ZMAT1: variants seen among roughly 807,000 people sequenced by gnomAD.
ZMAT1 encodes the protein zinc finger matrin-type protein 1.
Under a neutral mutation model 18.5 loss-of-function variants are expected in ZMAT1, and 11 were observed. The ratio of observed to expected loss-of-function variants is 0.59; its 90% CI spans 0.37 to 0.98. The LOEUF (loss-of-function observed/expected upper bound fraction) is 0.98, where lower values mean the gene tolerates loss of function less well. Ranked by LOEUF, ZMAT1 falls within the 50% of genes least tolerant of loss-of-function variation. ZMAT1 has a pLI of 0.01. For synonymous variants in ZMAT1, 211 were observed against 176.4 expected, an observed-to-expected ratio of 1.20 and a Z score of -1.55; for missense variants, 525 against 496.2, an observed-to-expected ratio of 1.06 and a Z score of -0.55.
intron 4 of ZMAT1, chrX:101,892,786 A>T (rs1927511602): frequency 1.4e-6 from 1 of 707,114 alleles, no homozygotes; most frequent in South Asian, 7.3e-5. Context: ...AGCAGTGAGA[A>T]TGATGAAGAA....
At chrX:101,912,968 G>C (rs753366964) in intron 1 of ZMAT1, among the ~76,000 whole-genome samples, 1 of 111,526 alleles carries the variant, frequency 9.0e-6, no homozygotes, top group African/African-American at 3.3e-5. Context: ...CAAAAAGGGA[G>C]ATTTTTCCTT....
intron 4 of ZMAT1, among the ~76,000 whole-genome samples, chrX:101,890,567 A>G (rs374963078): frequency 8.9e-6 from 1 of 111,871 alleles, no homozygotes; most frequent in African/African-American, 3.2e-5. Context: ...GCATCAGGTT[A>G]GATGCCAGGG....
chrX:101,898,130 C>T lies in ZMAT1; in HGVS notation c.490G>A (p.Glu164Lys). The T allele has an allele frequency of 8.3e-7, 1 of 1,210,483 alleles. No homozygotes were observed. The highest frequency in any genetic ancestry group is 1.1e-6 in the Non-Finnish European group (1 of 894,368). Residue 164 changes from glutamate (E) to lysine (K), a missense_variant, in exon 3 of 6, where the codon GAG becomes AAG. Transcript: ENST00000651725. ...VPGKKMKMHV[E>K]NFQVHRYEGV... ...CACACATCACTCACCTGAAAATTCT[C>T]AACATGCATCTTCATTTTCTTACCA...
intron 4 of ZMAT1, among the ~76,000 whole-genome samples, chrX:101,895,159 GTAT>G: frequency 9.0e-6 from 1 of 111,713 alleles, no homozygotes; most frequent in South Asian, 3.7e-4. Context: ...TTGCAATGAA[GTAT>G]TATTATTAAC....
chrX:101,929,432 T>G (rs1194360114), intron 1 of ZMAT1, among the ~76,000 whole-genome samples: 1 of 47,358 alleles, frequency 2.1e-5, no homozygotes, highest in African/African-American at 2.3e-4. Flanking sequence ...ATTATATATA[T>G]ATATATATAT....
intron 1 of ZMAT1, 107 bp from the exon 2 acceptor site, chrX:101,904,437 G>C (rs1294672083): frequency 1.4e-5 from 8 of 580,160 alleles, no homozygotes; most frequent in Non-Finnish European, 2.1e-5. Flanking sequence ...TCAAATTTGA[G>C]TGCTTGTGAG....
chrX:101,913,138 A>C (rs1929072684), intron 1 of ZMAT1, among the ~76,000 whole-genome samples: 1 of 111,887 alleles, frequency 8.9e-6, no homozygotes, highest in African/African-American at 3.2e-5. Context: ...AGTTATAAGA[A>C]GGTATCTGCA....
chrX:101,903,398 TA>T (rs1310430393), intron 2 of ZMAT1, among the ~76,000 whole-genome samples: 1 of 112,066 alleles, frequency 8.9e-6, no homozygotes, highest in African/African-American at 3.2e-5. Context: ...TCCCTATCTG[TA>T]ATTATAGTAA....
chrX:101,888,170 T>A (rs1927099804), intron 4 of ZMAT1: 1 of 111,666 alleles, frequency 9.0e-6, no homozygotes, highest in African/African-American at 3.3e-5. Flanking sequence ...TAAAGTAATA[T>A]CTTTCCAGTT....
rs948042979 is a variant in ZMAT1 at position 101,931,764 on chromosome X, C to G, written c.245G>C (p.Arg82Thr). The stretch of plus-strand genomic sequence containing the variant: ...GTCTACTTTAAAACTACTGCCCCCC[C>G]TCCCCGCCGCCGCCATAGTGGAGCC... ...FGGSTMAAAG[R>T]GGSSFKVDTR... The change falls in exon 1 of 6, where the codon AGG becomes ACG. Residue 82 changes from arginine (R) to threonine (T), a missense_variant. Arg to Thr is a moderately conservative substitution (Grantham distance 71). Coordinates refer to ENST00000651725, the MANE Select transcript of ZMAT1 (RefSeq NM_001394560.1). The G allele has an allele frequency of 5.2e-6, 4 of 772,980 alleles. No individual in the cohort carries two copies. Among genetic ancestry groups the G allele is most frequent in the Non-Finnish European group, 6.1e-6 (4 of 652,739 alleles). 63.7% of individuals were successfully genotyped at this position (772,980 alleles called of 1,213,427 possible).
rs1264342873 is a variant in ZMAT1, at chrX:101,884,523, C to A, written c.1075G>T (p.Asp359Tyr). ...TCTTCAAGTTCATCTTGGAAAGAGT[C>A]ATATGTCTTCTTTGAATGAGGTAAC... Reference protein sequence around the residue: ...KQLPHSKKTYDSFQDELEDYI... With the variant: ...KQLPHSKKTYYSFQDELEDYI... The change falls in exon 6 of 6, where the codon GAC (aspartate) becomes TAC (tyrosine). Residue 359 changes from aspartate (D) to tyrosine (Y), a missense_variant. Physicochemically the swap from Asp to Tyr is radical, Grantham distance 160. Transcript: ENST00000651725. 1 of 1,209,562 alleles carries A rather than the reference C, an allele frequency of 8.3e-7. No individual in the cohort carries two copies. Among genetic ancestry groups the A allele is most frequent in the Non-Finnish European group, 1.1e-6 (1 of 894,982 alleles).
rs190844535 is a variant in ZMAT1 at position 101,894,005 on chromosome X, A to G, written c.676+3863T>C. ...GATTTTATATTTAGAAGATGAAGGAATAATGAAGGGTTTTAAAGAAGGGGA... is the reference window on the plus strand; with the variant it reads ...GATTTTATATTTAGAAGATGAAGGAGTAATGAAGGGTTTTAAAGAAGGGGA... On this transcript the variant is annotated intron_variant, in intron 4 of 5. Transcript: ENST00000651725. Among the ~76,000 whole-genome samples the G allele has an allele frequency of 1.0e-3, 114 of 111,166 alleles. 1 individual carries two copies. Among genetic ancestry groups the G allele is most frequent in the Admixed American group, 9.9e-3 (103 of 10,416 alleles).
chrX:101,886,772 A>G, intron 4 of ZMAT1, 41 bp from the exon 5 acceptor site: 2 of 946,285 alleles, frequency 2.1e-6, no homozygotes, highest in Non-Finnish European at 2.9e-6. Context: ...GTCAGTATAA[A>G]TACATTTAGA....
In ZMAT1 at chrX:101,911,587, T is replaced by A. The variant is rs1438253740; in HGVS notation, c.293-7257A>T. On this transcript the variant is annotated intron_variant, in intron 1 of 5. Coordinates refer to ENST00000651725, the MANE Select transcript of ZMAT1 (RefSeq NM_001394560.1). ...GGAGAAGCCCTATGAATGCAATGAC[T>A]GTAGCAAGGCATTCAGTCACAGCTT... 9.5e-6 allele frequency: 11 copies of A among 1,163,738 alleles called. No individual in the cohort carries two copies. In the East Asian group the frequency reaches 3.3e-4, roughly 35 times the overall value.
At chrX:101,928,124 TG>T (rs1195437508) in intron 1 of ZMAT1, among the ~76,000 whole-genome samples, 2 of 112,263 alleles carry the variant, frequency 1.8e-5, no homozygotes, top group African/African-American at 6.5e-5. Flanking sequence ...TAATAAACAA[TG>T]GAATGGTCCT....
intron 1 of ZMAT1, among the ~76,000 whole-genome samples, chrX:101,904,547 G>A (rs1228703281): frequency 1.8e-5 from 2 of 111,376 alleles, no homozygotes; most frequent in African/African-American, 6.5e-5. Flanking sequence ...AGTATGATAA[G>A]TCTAGGCAAT....
chrX:101,931,763 C>G lies in ZMAT1; in HGVS notation c.246G>C (p.Arg82Ser), dbSNP rs1053029561. The G allele has an allele frequency of 1.8e-5, 14 of 772,869 alleles. No homozygotes were observed. The highest frequency in any genetic ancestry group is 2.1e-5 in the Non-Finnish European group (14 of 652,629). The allele number at this position is 772,869 out of a possible 1,213,427, so 63.7% of individuals were successfully genotyped here. A position where few individuals can be genotyped will look rare whatever the true frequency, so the allele number is the denominator to read the frequency against. Residue 82 changes from arginine (R) to serine (S), a missense_variant, in exon 1 of 6, where the codon AGG becomes AGC. Transcript: ENST00000651725. ...TGTCTACTTTAAAACTACTGCCCCC[C>G]CTCCCCGCCGCCGCCATAGTGGAGC... Reference protein sequence around the residue: ...FGGSTMAAAGRGGSSFKVDTR... With the variant: ...FGGSTMAAAGSGGSSFKVDTR...
chrX:101,904,760 T>C (rs1006202976), intron 1 of ZMAT1, among the ~76,000 whole-genome samples: 1 of 109,987 alleles, frequency 9.1e-6, no homozygotes, highest in African/African-American at 3.3e-5. Context: ...CTGGGCAACA[T>C]AGCAAGACAC....
intron 1 of ZMAT1, among the ~76,000 whole-genome samples, chrX:101,912,622 G>A (rs1295041577): frequency 8.9e-6 from 1 of 111,736 alleles, no homozygotes; most frequent in Non-Finnish European, 1.9e-5. Flanking sequence ...AATGAGAGTG[G>A]CATCTTTATG....
Sources: allele counts gnomAD v4.1 joint callset (sites outside exome capture counted in the v4.1 genomes callset), GRCh38; gene constraint gnomAD v4.1.1; transcripts MANE v1.5; gene names NCBI Gene and HGNC (gene_info 2026-07-23, HGNC 2026-07-21).